HNF4A: variants seen among roughly 807,000 people sequenced by gnomAD.
HNF4A encodes the protein hepatocyte nuclear factor 4-alpha.
Under a neutral mutation model 52.4 loss-of-function variants are expected in HNF4A, and 15 were observed. That is an observed-to-expected ratio of 0.29 (90% CI 0.19 to 0.44). The LOEUF is 0.44. Among genes scored for constraint, HNF4A ranks in the 20% least tolerant of loss-of-function variants. The probability of loss-of-function intolerance (pLI) is 1.00; values close to 1 mark genes in which losing one functional copy is unlikely to be tolerated. For synonymous variants in HNF4A, 280 were observed against 264.4 expected (o/e 1.06, Z -0.57); for missense variants, 479 against 647.2 (o/e 0.74, Z 2.82).
chr20:44,400,203 C>T (rs2063390087), upstream of HNF4A, among the ~76,000 whole-genome samples: 1 of 152,162 alleles, frequency 6.6e-6, no homozygotes, highest in Non-Finnish European at 1.5e-5. Context: ...CAGCAGAGCA[C>T]TGAACCAGGA....
At chr20:44,408,673 G>A (rs1239978417) in intron 3 of HNF4A, among the ~76,000 whole-genome samples, 3 of 152,168 alleles carry the variant, frequency 2.0e-5, no homozygotes, top group African/African-American at 7.2e-5. Flanking sequence ...GTTGCAGTGA[G>A]CTGAGATCAT....
chr20:44,355,894 G>T, intron 1 of HNF4A, 41 bp downstream of exon 1: 1 of 1,566,936 alleles, frequency 6.4e-7, no homozygotes, highest in South Asian at 1.1e-5. Context: ...GCGGGACTGC[G>T]GTCAGCTTTG....
At chr20:44,415,598 C>A (rs561224993) in intron 5 of HNF4A, among the ~76,000 whole-genome samples, 1 of 152,180 alleles carries the variant, frequency 6.6e-6, no homozygotes, top group African/African-American at 2.4e-5. Flanking sequence ...CTGGTGCATT[C>A]GCTTACCCGT....
upstream of HNF4A, among the ~76,000 whole-genome samples, chr20:44,397,077 C>T (rs907188197): frequency 6.6e-6 from 1 of 152,214 alleles, no homozygotes; most frequent in Non-Finnish European, 1.5e-5. Flanking sequence ...TATAAATAGT[C>T]ACTGGTATAC....
chr20:44,427,295 G>A (rs934296320), intron 8 of HNF4A, among the ~76,000 whole-genome samples: 1 of 152,194 alleles, frequency 6.6e-6, no homozygotes, highest in African/African-American at 2.4e-5. Context: ...TCAGGATCAG[G>A]AGCCTGTGGT....
chr20:44,393,533 A>G (rs1023663630), intron 1 of HNF4A, among the ~76,000 whole-genome samples: 1 of 152,214 alleles, frequency 6.6e-6, no homozygotes, highest in Non-Finnish European at 1.5e-5. Context: ...CCAAGTTCCA[A>G]TTCCACTTCT....
rs140719096 is a variant in HNF4A, at chr20:44,422,142, A to G, written c.893-1876A>G. The stretch of plus-strand genomic sequence containing the variant: ...AACTTCAGACCACCTGTCAATCCCA[A>G]TTTCTCTCTCTCAAGCCCACATTCT... On this transcript the variant is annotated intron_variant, in intron 7 of 9. Transcript: ENST00000316099. 3.6e-3 allele frequency among the ~76,000 whole-genome samples: 541 copies of G among 152,094 alleles called. 3 individuals carry two copies. Among genetic ancestry groups the G allele is most frequent in the East Asian group, 0.018 (92 of 5,182 alleles).
intron 1 of HNF4A, chr20:44,401,640 G>A (rs2063411010): frequency 1.3e-5 from 6 of 477,304 alleles, no homozygotes. Context: ...GCCAAGTGAA[G>A]CCCATGTGCC....
chr20:44,371,014 G>T (rs2063027968), intron 1 of HNF4A, among the ~76,000 whole-genome samples: 1 of 152,228 alleles, frequency 6.6e-6, no homozygotes, highest in Non-Finnish European at 1.5e-5. Context: ...GAAGGGCAGA[G>T]GAGGTGGGGA....
At chr20:44,412,749 C>T (rs554954854) in intron 3 of HNF4A, among the ~76,000 whole-genome samples, 1 of 152,196 alleles carries the variant, frequency 6.6e-6, no homozygotes, top group South Asian at 2.1e-4. Flanking sequence ...AGGATCACGA[C>T]AGCACTGGGG....
At chr20:44,405,459 C>T (rs1432857500) in intron 1 of HNF4A, among the ~76,000 whole-genome samples, 1 of 152,124 alleles carries the variant, frequency 6.6e-6, no homozygotes, top group East Asian at 1.9e-4. Flanking sequence ...CCAAGATCCT[C>T]TTTCCACCTG....
chr20:44,422,925 C>T (rs1296856029), intron 7 of HNF4A, among the ~76,000 whole-genome samples: 2 of 151,986 alleles, frequency 1.3e-5, no homozygotes, highest in Non-Finnish European at 2.9e-5. Flanking sequence ...GTGATCCCCC[C>T]GCCTCGGCCT....
chr20:44,401,151 A>G, upstream of HNF4A: 1 of 1,387,784 alleles, frequency 7.2e-7, no homozygotes, highest in South Asian at 1.5e-5. Context: ...CAGCCTATCC[A>G]CCGGCGGGGG....
chr20:44,371,867 A>C (rs1485926989), intron 1 of HNF4A, among the ~76,000 whole-genome samples: 1 of 152,124 alleles, frequency 6.6e-6, no homozygotes, highest in Admixed American at 6.6e-5. Flanking sequence ...CCTTTAAAAA[A>C]AGTGAAGGTC....
intron 1 of HNF4A, among the ~76,000 whole-genome samples, chr20:44,403,038 G>A (rs1165663486): frequency 1.3e-5 from 2 of 152,210 alleles, no homozygotes; most frequent in South Asian, 2.1e-4. Context: ...ACCACGCCAG[G>A]AGCGCAAGGC....
At chr20:44,401,112 A>G (rs1568715780), upstream of HNF4A, 1 of 713,240 alleles carries the variant, frequency 1.4e-6, no homozygotes, top group African/African-American at 1.9e-5. Flanking sequence ...CCAGAAACCA[A>G]CAAACAGCCA....
intron 1 of HNF4A, among the ~76,000 whole-genome samples, chr20:44,371,364 G>A (rs1240724563): frequency 2.0e-5 from 3 of 152,128 alleles, no homozygotes; most frequent in Admixed American, 6.5e-5. Context: ...TGCAATCTCC[G>A]CCTCCCAGGT....
chr20:44,407,503 ACCACTGC>A, intron 3 of HNF4A, 28 bp downstream of exon 3: 2 of 1,450,942 alleles, frequency 1.4e-6, no homozygotes, highest in Non-Finnish European at 1.9e-6. Context: ...CCGCCCCACC[ACCACTGC>A]CCCACCTGCA....
Position 44,377,909 on chromosome 20 carries a change from A to T in HNF4A, c.49+22056A>T, listed in dbSNP as rs1011801656. 4.6e-5 allele frequency: 7 copies of T among 152,254 alleles called. 1 individual carries two copies. The allele number at this position is 152,254 out of a possible 1,614,324, so 9.4% of individuals were successfully genotyped here. A position where few individuals can be genotyped will look rare whatever the true frequency, so the allele number is the denominator to read the frequency against. ...CCTGTGGATGAGAGTTTCTCTAGGTAACATGCAGAGATGGAATTTCTGTAT... is the reference window on the plus strand; with the variant it reads ...CCTGTGGATGAGAGTTTCTCTAGGTTACATGCAGAGATGGAATTTCTGTAT... On this transcript the variant is annotated intron_variant, in intron 1 of 9. Transcript: ENST00000316673.
Sources: gnomAD v4.1 joint callset for allele counts (sites outside exome capture counted in the v4.1 genomes callset) on GRCh38, gnomAD v4.1.1 for gene constraint, MANE v1.5 for transcripts, NCBI Gene and HGNC (gene_info 2026-07-23, HGNC 2026-07-21) for gene names.